The following CNTN4 variants were observed in gnomAD, a reference collection of about 807,000 sequenced individuals.
The protein encoded by CNTN4 is contactin 4.
Under a neutral mutation model 122.5 loss-of-function variants are expected in CNTN4, and 77 were observed. The observed-to-expected ratio is 0.63, with a 90% CI of 0.52 to 0.76. The LOEUF (loss-of-function observed/expected upper bound fraction) is 0.76. Ranked by LOEUF, CNTN4 falls within the 30% of genes least tolerant of loss-of-function variation. CNTN4 has a pLI of 0.00. For synonymous variants in CNTN4, 512 were observed against 447.0 expected (o/e 1.15, Z -1.83); for missense variants, 1,256 against 1,259.1 (o/e 1.00, Z 0.04).
intron 6 of CNTN4, among the ~76,000 whole-genome samples, chr3:2,782,862 A>G (rs891594077): frequency 6.6e-6 from 1 of 152,172 alleles, no homozygotes; most frequent in South Asian, 2.1e-4. Flanking sequence ...GGGGATCATA[A>G]TCTTAGGACC....
intron 3 of CNTN4, among the ~76,000 whole-genome samples, chr3:2,394,938 C>T (rs1168967382): frequency 6.6e-6 from 1 of 151,956 alleles, no homozygotes; most frequent in African/African-American, 2.4e-5. Flanking sequence ...AGACCCCCAC[C>T]ACCACACCCA....
chr3:2,962,119 G>A (rs1378358788), intron 13 of CNTN4, among the ~76,000 whole-genome samples: 1 of 152,200 alleles, frequency 6.6e-6, no homozygotes, highest in Non-Finnish European at 1.5e-5. Flanking sequence ...AACCCTATAT[G>A]ATTTTTGAAT....
chr3:2,966,223 A>G (rs1022024645), intron 13 of CNTN4, among the ~76,000 whole-genome samples: 2 of 152,104 alleles, frequency 1.3e-5, no homozygotes, highest in Non-Finnish European at 1.5e-5. Flanking sequence ...GGGAATCTCA[A>G]TTTTTCAGTT....
At chr3:2,833,110 G>C (rs1193394593) in intron 7 of CNTN4, among the ~76,000 whole-genome samples, 1 of 152,172 alleles carries the variant, frequency 6.6e-6, no homozygotes, top group Non-Finnish European at 1.5e-5. Context: ...GCTTTGGAAG[G>C]AACGCCTTAA....
chr3:2,233,054 A>G (rs1212736611), intron 2 of CNTN4, among the ~76,000 whole-genome samples: 2 of 152,178 alleles, frequency 1.3e-5, no homozygotes, highest in Non-Finnish European at 2.9e-5. Context: ...GCGCCTGTTA[A>G]GAGCAGTCAA....
chr3:2,405,772 C>A (rs1184067203), intron 3 of CNTN4, among the ~76,000 whole-genome samples: 2 of 152,164 alleles, frequency 1.3e-5, no homozygotes, highest in South Asian at 2.1e-4. Flanking sequence ...CCTCTAATCC[C>A]AGTACTTTGA....
intron 3 of CNTN4, among the ~76,000 whole-genome samples, chr3:2,355,507 G>A (rs1575447121): frequency 6.6e-6 from 1 of 152,162 alleles, no homozygotes; most frequent in South Asian, 2.1e-4. Context: ...CTTTGTTCAG[G>A]TCAGGAGCAA....
chr3:2,737,004 G>A (rs558211162), intron 5 of CNTN4, among the ~76,000 whole-genome samples: 4 of 151,988 alleles, frequency 2.6e-5, no homozygotes, highest in African/African-American at 9.6e-5. Flanking sequence ...GGCTGATCTT[G>A]AATTCCTGAC....
At chr3:2,535,273 C>T (rs141239667) in intron 3 of CNTN4, among the ~76,000 whole-genome samples, 1 of 152,072 alleles carries the variant, frequency 6.6e-6, no homozygotes, top group African/African-American at 2.4e-5. Context: ...TTAAATCTGT[C>T]CTCAATTCTT....
At chr3:2,705,036 T>A (rs893263906) in intron 4 of CNTN4, among the ~76,000 whole-genome samples, 14 of 151,582 alleles carry the variant, frequency 9.2e-5, no homozygotes, top group African/African-American at 2.9e-4. Flanking sequence ...CATATGTGTG[T>A]ATATATATAT....
At chr3:2,426,890 A>G (rs1575604886) in intron 3 of CNTN4, among the ~76,000 whole-genome samples, 1 of 151,996 alleles carries the variant, frequency 6.6e-6, no homozygotes, top group South Asian at 2.1e-4. Flanking sequence ...GATGGTAGTT[A>G]ATATTTCTGT....
At chr3:2,604,130 GA>G (rs1000919274) in intron 4 of CNTN4, among the ~76,000 whole-genome samples, 11 of 152,262 alleles carry the variant, frequency 7.2e-5, no homozygotes, top group Non-Finnish European at 1.6e-4. Flanking sequence ...CATAGTCAAA[GA>G]AAAAGAAAGT....
At chr3:2,161,638 C>T (rs1463942860) in intron 2 of CNTN4, among the ~76,000 whole-genome samples, 1 of 152,004 alleles carries the variant, frequency 6.6e-6, no homozygotes, top group Non-Finnish European at 1.5e-5. Flanking sequence ...AAATAAAGCA[C>T]GGAGGAGTTC....
intron 3 of CNTN4, among the ~76,000 whole-genome samples, chr3:2,379,901 A>G (rs1395644039): frequency 6.6e-6 from 1 of 152,016 alleles, no homozygotes; most frequent in Non-Finnish European, 1.5e-5. Context: ...GGAAAAATAC[A>G]AAAAAATTAG....
chr3:2,375,277 A>T (rs1163881943), intron 3 of CNTN4, among the ~76,000 whole-genome samples: 2 of 152,200 alleles, frequency 1.3e-5, no homozygotes, highest in Non-Finnish European at 2.9e-5. Context: ...TTTCTAAACA[A>T]ACTTTGGCTT....
At chr3:2,935,279 T>G (rs546194564) in intron 13 of CNTN4, among the ~76,000 whole-genome samples, 6 of 152,318 alleles carry the variant, frequency 3.9e-5, no homozygotes, top group Non-Finnish European at 7.3e-5. Flanking sequence ...GACATATATA[T>G]GGAATTTGTA....
At chr3:2,119,623 G>T (rs931619009) in intron 2 of CNTN4, among the ~76,000 whole-genome samples, 3 of 152,174 alleles carry the variant, frequency 2.0e-5, no homozygotes, top group African/African-American at 7.2e-5. Flanking sequence ...ATTTGTAGTG[G>T]TAAAGGTTTC....
chr3:2,999,990 G>T (rs163558), intron 14 of CNTN4, among the ~76,000 whole-genome samples: 41,003 of 152,018 alleles, frequency 0.27, 6,851 homozygotes, highest in African/African-American at 0.48. Context: ...AATATCAGAA[G>T]TAGTATTCAA....
chr3:2,880,499 G>C (rs1207190801), intron 8 of CNTN4, among the ~76,000 whole-genome samples: 3 of 152,196 alleles, frequency 2.0e-5, no homozygotes, highest in African/African-American at 7.2e-5. Flanking sequence ...CGGGCTGTTT[G>C]TTAGCAAGTT....
Sources: allele counts gnomAD v4.1 joint callset (sites outside exome capture counted in the v4.1 genomes callset), GRCh38; gene constraint gnomAD v4.1.1; transcripts MANE v1.5; gene names NCBI Gene and HGNC (gene_info 2026-07-23, HGNC 2026-07-21).